RBM27: variants seen among roughly 807,000 people sequenced by gnomAD.
RBM27 encodes the protein RNA-binding protein 27.
A neutral mutation model predicts 135.3 loss-of-function variants in RBM27; 22 were observed. That is an observed-to-expected ratio of 0.16 (90% CI 0.12 to 0.23). The LOEUF is 0.23. RBM27 is among the 10% of genes least tolerant of loss of function. RBM27 has a pLI of 1.00. For missense variants in RBM27, 1,009 were observed against 1,281.0 expected (o/e 0.79, Z 3.24); for synonymous variants, 481 against 442.4 (o/e 1.09, Z -1.10).
chr5:146,277,544 A>G (rs1487125184), intron 19 of RBM27, among the ~76,000 whole-genome samples: 1 of 130,334 alleles, frequency 7.7e-6, no homozygotes, highest in Non-Finnish European at 1.6e-5. Context: ...TTTTTTTGAG[A>G]CGGAGTCTTG....
intron 8 of RBM27, among the ~76,000 whole-genome samples, chr5:146,243,273 AT>A (rs1757486335): frequency 6.6e-6 from 1 of 152,230 alleles, no homozygotes; most frequent in African/African-American, 2.4e-5. Context: ...TCTCAAAAAA[AT>A]AAATAAAATA....
At chr5:146,235,925 A>G (rs1048625034) in intron 7 of RBM27, among the ~76,000 whole-genome samples, 4 of 152,148 alleles carry the variant, frequency 2.6e-5, no homozygotes, top group East Asian at 1.9e-4. Flanking sequence ...TCCTGGGCTC[A>G]AGCAGTTTGC....
intron 3 of RBM27, among the ~76,000 whole-genome samples, chr5:146,224,936 C>T (rs1375525177): frequency 1.3e-5 from 2 of 152,050 alleles, no homozygotes; most frequent in Non-Finnish European, 2.9e-5. Flanking sequence ...TCACATACTT[C>T]ATGTCTTTTC....
At chr5:146,244,628 T>G (rs1581189100) in intron 8 of RBM27, among the ~76,000 whole-genome samples, 1 of 149,360 alleles carries the variant, frequency 6.7e-6, no homozygotes, top group East Asian at 2.1e-4. Context: ...AGCCTCAACC[T>G]TTCAGGCTCT....
At chr5:146,281,718 G>A (rs1759358736) in intron 19 of RBM27, among the ~76,000 whole-genome samples, 1 of 152,160 alleles carries the variant, frequency 6.6e-6, no homozygotes. Context: ...GTGGCTATTT[G>A]CCAGTTAAAT....
intron 1 of RBM27, among the ~76,000 whole-genome samples, chr5:146,209,139 A>G (rs951567152): frequency 1.3e-5 from 2 of 152,176 alleles, no homozygotes; most frequent in African/African-American, 4.8e-5. Flanking sequence ...AGTATTAATG[A>G]TGTAGACTTT....
At chr5:146,211,464 CTTTTTTTTTTTTTTT>C (rs57117642) in intron 1 of RBM27, among the ~76,000 whole-genome samples, 15 of 49,904 alleles carry the variant, frequency 3.0e-4, no homozygotes, top group Admixed American at 3.9e-4. Context: ...ATGGTCTTAT[CTTTTTTTTTTTTTTT>C]TTTTTTTTTT....
At chr5:146,242,049 C>G (rs1018939605) in intron 8 of RBM27, among the ~76,000 whole-genome samples, 1 of 151,898 alleles carries the variant, frequency 6.6e-6, no homozygotes, top group Non-Finnish European at 1.5e-5. Flanking sequence ...CTCAGCTTCC[C>G]GAAGTGCTGG....
chr5:146,220,293 C>T (rs940007524), intron 2 of RBM27, among the ~76,000 whole-genome samples: 12 of 151,598 alleles, frequency 7.9e-5, no homozygotes, highest in Non-Finnish European at 1.5e-4. Flanking sequence ...CTGGCCAACA[C>T]GGTGAAACCC....
intron 1 of RBM27, among the ~76,000 whole-genome samples, chr5:146,205,435 G>A (rs1313394447): frequency 6.6e-6 from 1 of 152,170 alleles, no homozygotes; most frequent in Non-Finnish European, 1.5e-5. Context: ...TTTTTCGGAG[G>A]TGAAAATAGG....
chr5:146,233,377 G>T, intron 6 of RBM27, 73 bp from the exon 7 acceptor site: 1 of 1,474,770 alleles, frequency 6.8e-7, no homozygotes. Context: ...GGGTTTTTCA[G>T]GGACATGTTT....
At chr5:146,249,597 G>T (rs1248940233) in intron 8 of RBM27, among the ~76,000 whole-genome samples, 2 of 144,374 alleles carry the variant, frequency 1.4e-5, no homozygotes, top group Admixed American at 1.4e-4. Flanking sequence ...TGAGGCAGGA[G>T]AATTGCTTGA....
At chr5:146,273,257 A>G (rs190408081) in intron 19 of RBM27, among the ~76,000 whole-genome samples, 21 of 152,282 alleles carry the variant, frequency 1.4e-4, no homozygotes, top group African/African-American at 4.6e-4. Flanking sequence ...ACTGGAGACT[A>G]TATGTAGATG....
chr5:146,204,889 C>T (rs1328769638), intron 1 of RBM27, among the ~76,000 whole-genome samples: 1 of 151,906 alleles, frequency 6.6e-6, no homozygotes, highest in Non-Finnish European at 1.5e-5. Flanking sequence ...GATGTATCAA[C>T]ATTTTGTTTT....
intron 7 of RBM27, among the ~76,000 whole-genome samples, chr5:146,235,032 A>AT (rs1757098032): frequency 1.7e-5 from 2 of 115,306 alleles, no homozygotes; most frequent in Admixed American, 2.4e-4. Context: ...ACCCTGTCTC[A>AT]AAAATAAATA....
At chr5:146,228,707 C>T (rs1299171535) in intron 3 of RBM27, among the ~76,000 whole-genome samples, 4 of 151,896 alleles carry the variant, frequency 2.6e-5, no homozygotes, top group East Asian at 1.9e-4. Flanking sequence ...TTCAAGCAGT[C>T]CTCCCATATT....
At chr5:146,244,258 G>C (rs1757525051) in intron 8 of RBM27, among the ~76,000 whole-genome samples, 1 of 152,114 alleles carries the variant, frequency 6.6e-6, no homozygotes, top group Admixed American at 6.6e-5. Context: ...ACATTCAAAG[G>C]CCAAGGTTGG....
chr5:146,235,076 A>AT (rs1554079856), intron 7 of RBM27, among the ~76,000 whole-genome samples: 3,006 of 151,160 alleles, frequency 0.02, 50 homozygotes, highest in Admixed American at 0.055. Context: ...AAATAAATAA[A>AT]AGATGGCAAA....
intron 19 of RBM27, among the ~76,000 whole-genome samples, chr5:146,273,003 A>AC (rs1427673995): frequency 2.2e-4 from 34 of 152,318 alleles, no homozygotes; most frequent in African/African-American, 8.2e-4. Flanking sequence ...GAGGAACACT[A>AC]TACAAGTGCA....
Sources: gnomAD v4.1 joint callset for allele counts (sites outside exome capture counted in the v4.1 genomes callset) on GRCh38, gnomAD v4.1.1 for gene constraint, MANE v1.5 for transcripts, NCBI Gene and HGNC (gene_info 2026-07-23, HGNC 2026-07-21) for gene names.